The following USH1C variants were observed in gnomAD, a reference collection of about 807,000 sequenced individuals.
The protein encoded by USH1C is harmonin.
In USH1C, 90 loss-of-function variants were observed where a neutral mutation model predicts 119.3. That is an observed-to-expected ratio of 0.75 (90% CI 0.64 to 0.90). USH1C has a LOEUF of 0.90. Among genes scored for constraint, USH1C ranks in the 40% least tolerant of loss-of-function variants. The probability of loss-of-function intolerance (pLI) is 0.00; values close to 1 mark genes in which losing one functional copy is unlikely to be tolerated. For missense variants in USH1C, 1,165 were observed against 1,167.7 expected, an observed-to-expected ratio of 1.00 and a Z score of 0.03; for synonymous variants, 465 against 443.3, an observed-to-expected ratio of 1.05 and a Z score of -0.62.
intron 2 of USH1C, among the ~76,000 whole-genome samples, chr11:17,532,874 A>C (rs1415110150): frequency 6.6e-6 from 1 of 152,212 alleles, no homozygotes; most frequent in Non-Finnish European, 1.5e-5. Context: ...AAGTAGAAAA[A>C]ATGAATCAAA....
At chr11:17,521,092 A>C in intron 13 of USH1C, 98 bp from the exon 14 acceptor site, 2 of 1,538,022 alleles carry the variant, frequency 1.3e-6, no homozygotes, top group Non-Finnish European at 1.8e-6. Flanking sequence ...GAGAAGCCTC[A>C]TGGTTCTAGT....
chr11:17,521,292 C>A (rs1850401454), intron 13 of USH1C, 54 bp downstream of exon 13: 1 of 1,596,420 alleles, frequency 6.3e-7, no homozygotes, highest in Non-Finnish European at 8.6e-7. Flanking sequence ...TGGCCACACT[C>A]CCCTGAGCAC....
intron 20 of USH1C, among the ~76,000 whole-genome samples, chr11:17,503,084 C>T (rs1424610751): frequency 6.6e-6 from 1 of 152,330 alleles, no homozygotes; most frequent in Non-Finnish European, 1.5e-5. Flanking sequence ...CAAGCATCTG[C>T]CTGGCATCCC....
chr11:17,523,485 G>A lies in USH1C; in HGVS notation c.760-7C>T, dbSNP rs2133880932. The A allele has an allele frequency of 6.2e-7, 1 of 1,614,112 alleles. No homozygotes were observed. The highest frequency in any genetic ancestry group is 8.5e-7 in the Non-Finnish European group (1 of 1,179,996). On this transcript the variant is annotated splice_polypyrimidine_tract_variant and splice_region_variant and intron_variant, in intron 9 of 26. Transcript: ENST00000005226. ...CGACAATCTGGTCCCCTATCTGGTGGGGAAATGGAGAAAGATTAGTGTGTT... is the reference window on the plus strand; with the variant it reads ...CGACAATCTGGTCCCCTATCTGGTGAGGAAATGGAGAAAGATTAGTGTGTT...
At chr11:17,494,464 T>C (rs1430408739) in intron 26 of USH1C, 88 bp from the exon 27 acceptor site, 1 of 1,452,402 alleles carries the variant, frequency 6.9e-7, no homozygotes, top group Admixed American at 2.0e-5. Flanking sequence ...CAAGGGGGAG[T>C]ACCCACTCTG....
At chr11:17,523,050 C>T (rs1384101564) in intron 11 of USH1C, 124 bp from the exon 12 acceptor site, 5 of 1,580,678 alleles carry the variant, frequency 3.2e-6, no homozygotes, top group African/African-American at 1.3e-5. Context: ...CTCCCGCAAT[C>T]CCTGACCCAA....
intron 1 of USH1C, among the ~76,000 whole-genome samples, chr11:17,535,096 T>A (rs1301506941): frequency 6.6e-6 from 1 of 152,156 alleles, no homozygotes; most frequent in African/African-American, 2.4e-5. Context: ...TGGGCTGTGA[T>A]GGAGGAGTAT....
chr11:17,518,011 G>C (rs117657154), intron 14 of USH1C, among the ~76,000 whole-genome samples: 3 of 152,324 alleles, frequency 2.0e-5, no homozygotes, highest in East Asian at 3.9e-4. Context: ...CCTGAATTTT[G>C]ACATAATGTG....
intron 1 of USH1C, among the ~76,000 whole-genome samples, chr11:17,536,532 G>A (rs377736142): frequency 6.6e-6 from 1 of 152,174 alleles, no homozygotes; most frequent in African/African-American, 2.4e-5. Flanking sequence ...TGAAGGTCCC[G>A]GGCTCCTGGC....
At chr11:17,517,262 G>T in intron 14 of USH1C, 1 of 878,066 alleles carries the variant, frequency 1.1e-6, no homozygotes, top group Non-Finnish European at 1.8e-6. Context: ...GCCAAGCTGG[G>T]GCTTGGAGGA....
At chr11:17,529,254 T>G (rs527745872) in intron 4 of USH1C, among the ~76,000 whole-genome samples, 33 of 152,182 alleles carry the variant, frequency 2.2e-4, no homozygotes, top group Non-Finnish European at 4.3e-4. Flanking sequence ...CAGGCTGCCC[T>G]GTGCAAGGCA....
intron 1 of USH1C, among the ~76,000 whole-genome samples, chr11:17,540,433 C>G (rs1033873477): frequency 6.6e-6 from 1 of 152,032 alleles, no homozygotes; most frequent in African/African-American, 2.4e-5. Context: ...TCCTAGGTCT[C>G]CTCTCCATCT....
intron 23 of USH1C, among the ~76,000 whole-genome samples, chr11:17,499,826 C>T (rs1849371246): frequency 6.6e-6 from 1 of 152,224 alleles, no homozygotes; most frequent in Non-Finnish European, 1.5e-5. Flanking sequence ...TTTCCCATCC[C>T]TGTTTCCTGC....
intron 8 of USH1C, among the ~76,000 whole-genome samples, chr11:17,525,220 T>C (rs757303038): frequency 9.2e-5 from 14 of 152,228 alleles, no homozygotes; most frequent in Non-Finnish European, 1.9e-4. Context: ...ACTCATTGAC[T>C]AGAGATGGCA....
intron 1 of USH1C, among the ~76,000 whole-genome samples, chr11:17,537,916 A>AC: frequency 6.6e-6 from 1 of 152,034 alleles, no homozygotes; most frequent in Non-Finnish European, 1.5e-5. Flanking sequence ...CAGAATTGAG[A>AC]CCCCAACCTA....
chr11:17,528,620 A>C (rs1273161864), intron 4 of USH1C, among the ~76,000 whole-genome samples: 2 of 152,236 alleles, frequency 1.3e-5, no homozygotes, highest in East Asian at 1.9e-4. Flanking sequence ...GGGTCTAGGT[A>C]GGTAGGGGCT....
At chr11:17,496,235 A>G (rs1849245476) in intron 25 of USH1C, among the ~76,000 whole-genome samples, 2 of 152,180 alleles carry the variant, frequency 1.3e-5, no homozygotes, top group Non-Finnish European at 2.9e-5. Flanking sequence ...CCCACAGGAC[A>G]CAAGAGACAG....
chr11:17,527,443 T>A, intron 4 of USH1C, 112 bp from the exon 5 acceptor site: 7 of 858,170 alleles, frequency 8.2e-6, no homozygotes, highest in Non-Finnish European at 1.3e-5. Context: ...AGGGTGGCTG[T>A]GCCACCCCCT....
chr11:17,502,003 A>G, intron 20 of USH1C, 23 bp from the exon 21 acceptor site: 1 of 1,612,862 alleles, frequency 6.2e-7, no homozygotes, highest in Non-Finnish European at 8.5e-7. Context: ...GGAGGGCTTT[A>G]GGGCAACACA....
Sources: allele counts gnomAD v4.1 joint callset (sites outside exome capture counted in the v4.1 genomes callset), GRCh38; gene constraint gnomAD v4.1.1; transcripts MANE v1.5; gene names NCBI Gene and HGNC (gene_info 2026-07-23, HGNC 2026-07-21).